TUSC3: variants seen among roughly 807,000 people sequenced by gnomAD.
TUSC3 encodes dolichyl-diphosphooligosaccharide--protein glycosyltransferase subunit TUSC3.
A neutral mutation model predicts 44.8 loss-of-function variants in TUSC3; 45 were observed. That is an observed-to-expected ratio of 1.00 (90% CI 0.79 to 1.29). The LOEUF (loss-of-function observed/expected upper bound fraction) is 1.29. Ranked by LOEUF, TUSC3 falls within the 50% of genes most tolerant of loss-of-function variation. TUSC3 has a pLI of 0.00. For synonymous variants in TUSC3, 212 were observed against 152.9 expected, an observed-to-expected ratio of 1.39 and a Z score of -2.85; for missense variants, 519 against 437.9, an observed-to-expected ratio of 1.19 and a Z score of -1.65.
intron 1 of TUSC3, among the ~76,000 whole-genome samples, chr8:15,469,226 A>G (rs1055080701): frequency 6.6e-6 from 1 of 152,230 alleles, no homozygotes; most frequent in Non-Finnish European, 1.5e-5. Context: ...TGAGAAGACA[A>G]GTCACTGACT....
chr8:15,697,554 C>A (rs1393550794), intron 6 of TUSC3, among the ~76,000 whole-genome samples: 1 of 152,196 alleles, frequency 6.6e-6, no homozygotes, highest in Non-Finnish European at 1.5e-5. Flanking sequence ...ATGCAAATAT[C>A]TTGACCACAG....
intron 1 of TUSC3, among the ~76,000 whole-genome samples, chr8:15,614,039 G>C (rs1330367886): frequency 6.0e-4 from 90 of 149,794 alleles, no homozygotes; most frequent in Non-Finnish European, 9.5e-4. Flanking sequence ...TTCGGTGGGG[G>C]TCTGAGTTAA....
chr8:15,799,093 G>A, the TUSC3 span, among the ~76,000 whole-genome samples: 1 of 152,036 alleles, frequency 6.6e-6, no homozygotes, highest in African/African-American at 2.4e-5. Context: ...TAGCAGCCAG[G>A]ATGCACTGCA....
At chr8:15,475,082 C>G (rs967177899) in intron 1 of TUSC3, among the ~76,000 whole-genome samples, 1 of 152,132 alleles carries the variant, frequency 6.6e-6, no homozygotes, top group Non-Finnish European at 1.5e-5. Context: ...CCTTTATACA[C>G]AGTTTGCTGC....
chr8:15,718,834 ATCTT>A (rs984115854), intron 6 of TUSC3, among the ~76,000 whole-genome samples: 8 of 152,092 alleles, frequency 5.3e-5, no homozygotes, highest in Non-Finnish European at 8.8e-5. Context: ...AAATAACTAA[ATCTT>A]TACTATACAT....
Position 15,431,664 on chromosome 8 carries a change from T to TTC in TUSC3, n.91+14361_91+14362dup, listed in dbSNP as rs940571324. 8.6e-5 allele frequency among the ~76,000 whole-genome samples: 13 copies of TTC among 151,704 alleles called. 1 individual carries two copies. Among genetic ancestry groups the TTC allele is most frequent in the African/African-American group, 3.1e-4 (13 of 41,374 alleles). On this transcript the variant is annotated intron_variant and non_coding_transcript_variant, in intron 1 of 5. Transcript: ENST00000503191. ...TCCTTTCTGATTTGGATTCCATTTT[T>TTC]TCTTGACTAATTTCTCTGGCAAGGA...
intron 6 of TUSC3, among the ~76,000 whole-genome samples, chr8:15,729,479 C>T (rs1810626315): frequency 6.6e-6 from 1 of 152,042 alleles, no homozygotes; most frequent in Non-Finnish European, 1.5e-5. Context: ...TGTCAATCAA[C>T]AGTGGACTGG....
intron 2 of TUSC3, among the ~76,000 whole-genome samples, chr8:15,514,448 G>T (rs1192804496): frequency 3.1e-4 from 47 of 152,178 alleles, no homozygotes; most frequent in Non-Finnish European, 2.9e-5. Context: ...TTTGGATGCT[G>T]TAATACTTTA....
intron 2 of TUSC3, among the ~76,000 whole-genome samples, chr8:15,632,844 G>T (rs936785055): frequency 2.6e-5 from 4 of 152,124 alleles, no homozygotes; most frequent in African/African-American, 7.2e-5. Flanking sequence ...AATTTGACCT[G>T]TGGGAACCAA....
chr8:15,837,692 G>C, the TUSC3 span, among the ~76,000 whole-genome samples: 15 of 151,994 alleles, frequency 9.9e-5, no homozygotes, highest in Non-Finnish European at 1.5e-5. Context: ...TCTTTGTTTA[G>C]TGTTCTAGCT....
At chr8:15,492,741 T>G (rs1800824527) in intron 2 of TUSC3, among the ~76,000 whole-genome samples, 1 of 151,468 alleles carries the variant, frequency 6.6e-6, no homozygotes, top group Admixed American at 6.6e-5. Context: ...GTTTGAGACC[T>G]GCCTGGGCAA....
intron 6 of TUSC3, among the ~76,000 whole-genome samples, chr8:15,692,998 A>G (rs1174767648): frequency 2.0e-5 from 3 of 151,968 alleles, no homozygotes; most frequent in East Asian, 3.9e-4. Flanking sequence ...TCTGTTTTCC[A>G]TTTGCTTGGT....
At chr8:15,556,874 G>T (rs1260936854) in intron 1 of TUSC3, among the ~76,000 whole-genome samples, 1 of 142,732 alleles carries the variant, frequency 7.0e-6, no homozygotes, top group Non-Finnish European at 1.5e-5. Flanking sequence ...TTGTAAATTT[G>T]TTTGAGTTCA....
At chr8:15,829,486 C>A in the TUSC3 span, among the ~76,000 whole-genome samples, 1 of 152,064 alleles carries the variant, frequency 6.6e-6, no homozygotes, top group African/African-American at 2.4e-5. Flanking sequence ...AGTTTCGTTG[C>A]ATTACTCTTA....
chr8:15,828,214 C>G, the TUSC3 span, among the ~76,000 whole-genome samples: 1 of 152,100 alleles, frequency 6.6e-6, no homozygotes, highest in African/African-American at 2.4e-5. Context: ...AGGCTGGTCG[C>G]GAACTCCCCA....
chr8:15,600,146 ATTATT>A (rs1005928260), intron 1 of TUSC3, among the ~76,000 whole-genome samples: 9 of 151,768 alleles, frequency 5.9e-5, no homozygotes, highest in African/African-American at 1.2e-4. Context: ...AAACAAAACA[ATTATT>A]TTATAAGCAT....
At chr8:15,745,796 C>A (rs1811390070) in intron 8 of TUSC3, among the ~76,000 whole-genome samples, 1 of 151,714 alleles carries the variant, frequency 6.6e-6, no homozygotes, top group African/African-American at 2.4e-5. Context: ...TTAATCAGTC[C>A]CACTTGCCAG....
chr8:15,702,383 G>A (rs375624495), intron 6 of TUSC3, among the ~76,000 whole-genome samples: 2 of 152,138 alleles, frequency 1.3e-5, no homozygotes, highest in Admixed American at 6.5e-5. Flanking sequence ...TGCTTTATTT[G>A]TTGAGAAAGT....
chr8:15,792,690 A>C, the TUSC3 span, among the ~76,000 whole-genome samples: 4 of 151,878 alleles, frequency 2.6e-5, no homozygotes, highest in African/African-American at 9.7e-5. Flanking sequence ...ATCTCAACCC[A>C]CTGCAACCTC....
Sources: allele counts gnomAD v4.1 joint callset (sites outside exome capture counted in the v4.1 genomes callset), GRCh38; gene constraint gnomAD v4.1.1; transcripts MANE v1.5; gene names NCBI Gene and HGNC (gene_info 2026-07-23, HGNC 2026-07-21).